The following CDH4 variants were observed in gnomAD, a reference collection of about 807,000 sequenced individuals.
CDH4 encodes cadherin 4, also known as cadherin-4.
A neutral mutation model predicts 86.0 loss-of-function variants in CDH4; 33 were observed. The observed-to-expected ratio is 0.38, with a 90% CI of 0.29 to 0.51. The LOEUF (loss-of-function observed/expected upper bound fraction) is 0.51. Ranked by LOEUF, CDH4 falls within the 20% of genes least tolerant of loss-of-function variation. CDH4 has a pLI of 0.86. For synonymous variants in CDH4, 555 were observed against 549.4 expected (o/e 1.01, Z -0.14); for missense variants, 1,114 against 1,307.4 (o/e 0.85, Z 2.28).
rs191905173 is a variant in CDH4, at chr20:61,353,720, C to G, written c.169+98783C>G. On this transcript the variant is annotated intron_variant, in intron 2 of 15. Coordinates refer to ENST00000614565, the MANE Select transcript of CDH4 (RefSeq NM_001794.5). ...CCCTCCTCCTCCTCCCCTGCTTCCC[C>G]TTTTCCTCTGGAAGGTGATGTGAGT... 3.6e-3 allele frequency among the ~76,000 whole-genome samples: 413 copies of G among 115,388 alleles called. 1 individual carries two copies. Among genetic ancestry groups the G allele is most frequent in the African/African-American group, 0.012 (380 of 32,074 alleles). 75.7% of individuals were successfully genotyped at this position (115,388 alleles called of 152,430 possible). A position where few individuals can be genotyped will look rare whatever the true frequency, so the allele number is the denominator to read the frequency against.
intron 2 of CDH4, among the ~76,000 whole-genome samples, chr20:61,637,312 G>A (rs34505749): frequency 0.015 from 2,215 of 152,236 alleles, 26 homozygotes; most frequent in South Asian, 0.033. Flanking sequence ...CTGCATAGCC[G>A]CTCCCACGAC....
chr20:61,895,053 T>A lies in CDH4; in HGVS notation c.1188+6T>A, dbSNP rs1429840023. The A allele has an allele frequency of 1.2e-6, 2 of 1,613,132 alleles. No individual in the cohort carries two copies. Among genetic ancestry groups the A allele is most frequent in the East Asian group, 4.5e-5 (2 of 44,878 alleles). On this transcript the variant is annotated splice_donor_region_variant and intron_variant, in intron 8 of 15. Transcript: ENST00000614565. ...CAGAATTTACCGCCAGCACGGTGAG[T>A]CCCTCGAAGCTGCCCAGTGACGCAT...
intron 2 of CDH4, among the ~76,000 whole-genome samples, chr20:61,312,572 AC>A (rs974346141): frequency 6.6e-5 from 10 of 151,822 alleles, no homozygotes; most frequent in Non-Finnish European, 1.5e-4. Context: ...TCAGGACTGC[AC>A]CCCCTTCTTT....
rs575512776 is a variant in CDH4, at chr20:61,900,503, C to T, written c.1188+5456C>T. Among the ~76,000 whole-genome samples, 202 of 152,262 alleles carry T rather than the reference C, an allele frequency of 1.3e-3. 2 individuals carry two copies. Among genetic ancestry groups the T allele is most frequent in the African/African-American group, 4.6e-3 (191 of 41,538 alleles). On this transcript the variant is annotated intron_variant, in intron 8 of 15. Transcript: ENST00000614565. ...TTCCCAGAGACGGCTGCAGAGGGGGCGCTTCTGAGAGGCCAACTCTGGGTC... is the reference window on the plus strand; with the variant it reads ...TTCCCAGAGACGGCTGCAGAGGGGGTGCTTCTGAGAGGCCAACTCTGGGTC...
intron 2 of CDH4, among the ~76,000 whole-genome samples, chr20:61,348,794 A>T (rs1222413964): frequency 1.3e-5 from 2 of 152,232 alleles, no homozygotes; most frequent in Non-Finnish European, 2.9e-5. Flanking sequence ...GCTTTGAAAT[A>T]AACCCTCTGA....
intron 10 of CDH4, 79 bp from the exon 11 acceptor site, chr20:61,924,255 G>T (rs1273169477): frequency 1.4e-6 from 2 of 1,430,986 alleles, no homozygotes; most frequent in Admixed American, 1.8e-5. Flanking sequence ...CCCTGGAGGT[G>T]TGGCCAAGGA....
chr20:61,900,748 G>A (rs937086965), intron 8 of CDH4, among the ~76,000 whole-genome samples: 1 of 152,178 alleles, frequency 6.6e-6, no homozygotes, highest in Non-Finnish European at 1.5e-5. Flanking sequence ...AGGGGTTGGG[G>A]GTGGGCGCTG....
intron 2 of CDH4, among the ~76,000 whole-genome samples, chr20:61,476,024 A>C (rs1212423342): frequency 6.6e-6 from 1 of 152,156 alleles, no homozygotes; most frequent in Non-Finnish European, 1.5e-5. Flanking sequence ...GCACGTGGTC[A>C]CCACTAGACC....
chr20:61,873,916 G>A lies in CDH4; in HGVS notation c.1050+16G>A. 6.2e-7 allele frequency: 1 copy of A among 1,611,390 alleles called. No individual in the cohort carries two copies. Among genetic ancestry groups the A allele is most frequent in the East Asian group, 2.2e-5 (1 of 44,876 alleles). The stretch of plus-strand genomic sequence containing the variant: ...GGACCGAGAGGTGAGGCGGGGTGGG[G>A]TCTGCGTGCAGGCGGGTGAGCTCCT... On this transcript the variant is annotated intron_variant, in intron 7 of 15. Transcript: ENST00000614565.
chr20:61,458,773 G>A (rs1371201841), intron 2 of CDH4, among the ~76,000 whole-genome samples: 2 of 151,876 alleles, frequency 1.3e-5, no homozygotes, highest in East Asian at 3.9e-4. Context: ...TGATGATGAT[G>A]GTGGCAGTGA....
intron 2 of CDH4, among the ~76,000 whole-genome samples, chr20:61,687,822 G>A (rs1233757226): frequency 6.6e-6 from 1 of 152,154 alleles, no homozygotes; most frequent in African/African-American, 2.4e-5. Flanking sequence ...TGTGTCTAGG[G>A]CATAGAAAAT....
chr20:61,932,254 A>G (rs780175381), intron 13 of CDH4, among the ~76,000 whole-genome samples: 4 of 152,134 alleles, frequency 2.6e-5, no homozygotes, highest in Non-Finnish European at 4.4e-5. Context: ...AGGCGGTGAG[A>G]GGCACCCTGA....
At chr20:61,261,153 G>A (rs767622309) in intron 2 of CDH4, among the ~76,000 whole-genome samples, 2 of 152,198 alleles carry the variant, frequency 1.3e-5, no homozygotes, top group Non-Finnish European at 2.9e-5. Flanking sequence ...CAAGGAGGTG[G>A]CCACACCTGC....
intron 6 of CDH4, among the ~76,000 whole-genome samples, chr20:61,858,243 CTG>C (rs1186148325): frequency 2.1e-5 from 3 of 140,778 alleles, no homozygotes; most frequent in Non-Finnish European, 4.6e-5. Context: ...GTGTCTGTGT[CTG>C]TGTGTCTGCG....
intron 2 of CDH4, among the ~76,000 whole-genome samples, chr20:61,504,382 A>C (rs935607204): frequency 6.6e-6 from 1 of 152,188 alleles, no homozygotes; most frequent in African/African-American, 2.4e-5. Flanking sequence ...ACACATCTAC[A>C]GCTAAAATGA....
chr20:61,494,555 G>T (rs865916633), intron 2 of CDH4, among the ~76,000 whole-genome samples: 1 of 152,158 alleles, frequency 6.6e-6, no homozygotes, highest in Non-Finnish European at 1.5e-5. Flanking sequence ...GCGATGTTTA[G>T]CACCAGGCTT....
At chr20:61,909,457 C>G (rs1318782864) in intron 8 of CDH4, among the ~76,000 whole-genome samples, 1 of 152,198 alleles carries the variant, frequency 6.6e-6, no homozygotes, top group African/African-American at 2.4e-5. Context: ...CAACAAATGG[C>G]CACAAACTAG....
At position 61,296,092 on chromosome 20, in the gene CDH4, C is replaced by T. The variant is rs116551885; in HGVS notation, c.169+41155C>T. On this transcript the variant is annotated intron_variant, in intron 2 of 15. Transcript: ENST00000614565. ...GGGGAGTGGCCTGCGAGAAGGAGAG[C>T]GGCTTCTAGGCAGCAAGGTAGACCA... Among the ~76,000 whole-genome samples the T allele has an allele frequency of 4.1e-3, 619 of 152,224 alleles. 3 individuals carry two copies. Among genetic ancestry groups the T allele is most frequent in the African/African-American group, 0.014 (590 of 41,524 alleles).
chr20:61,618,680 T>C (rs1037145158), intron 2 of CDH4, among the ~76,000 whole-genome samples: 3 of 152,194 alleles, frequency 2.0e-5, no homozygotes, highest in Admixed American at 6.5e-5. Flanking sequence ...GTTCGCTGTA[T>C]CACGGGTACT....
Sources: allele counts gnomAD v4.1 joint callset (sites outside exome capture counted in the v4.1 genomes callset), GRCh38; gene constraint gnomAD v4.1.1; transcripts MANE v1.5; gene names NCBI Gene and HGNC (gene_info 2026-07-23, HGNC 2026-07-21).